Variants in FBXW7 observed in about 807,000 individuals in gnomAD.
FBXW7 encodes F-box and WD repeat domain containing 7, also known as F-box/WD repeat-containing protein 7.
A neutral mutation model predicts 86.3 loss-of-function variants in FBXW7; 11 were observed. The ratio of observed to expected loss-of-function variants is 0.13; its 90% CI spans 0.08 to 0.21. The LOEUF (loss-of-function observed/expected upper bound fraction) is 0.21. Ranked by LOEUF, FBXW7 falls within the 10% of genes least tolerant of loss-of-function variation. The probability of loss-of-function intolerance (pLI) is 1.00; values close to 1 mark genes in which losing one functional copy is unlikely to be tolerated. For missense variants in FBXW7, 488 were observed against 847.4 expected, an observed-to-expected ratio of 0.58 and a Z score of 5.27; for synonymous variants, 313 against 297.9, an observed-to-expected ratio of 1.05 and a Z score of -0.52.
chr4:152,414,416 T>G (rs1041139001), intron 2 of FBXW7, among the ~76,000 whole-genome samples: 4 of 152,052 alleles, frequency 2.6e-5, no homozygotes, highest in Non-Finnish European at 4.4e-5. Context: ...CCTGCAGATC[T>G]CAACTGGAAA....
chr4:152,500,969 TGGTACTCAAATTTAA>T (rs1560973461), intron 2 of FBXW7, among the ~76,000 whole-genome samples: 1 of 152,216 alleles, frequency 6.6e-6, no homozygotes, highest in African/African-American at 2.4e-5. Context: ...GGCAGCATTA[TGGTACTCAAATTTAA>T]GAGCAATTGA....
chr4:152,480,123 T>C (rs767649835), intron 2 of FBXW7, among the ~76,000 whole-genome samples: 34 of 152,108 alleles, frequency 2.2e-4, no homozygotes, highest in Non-Finnish European at 3.8e-4. Flanking sequence ...AAATAATGGT[T>C]TGTGCAACCC....
At chr4:152,401,152 A>G (rs1042753937) in intron 4 of FBXW7, among the ~76,000 whole-genome samples, 9 of 152,200 alleles carry the variant, frequency 5.9e-5, no homozygotes, top group Non-Finnish European at 1.0e-4. Flanking sequence ...AAAATTAATC[A>G]TACTGTTAAC....
chr4:152,526,606 G>C (rs1749535973), intron 2 of FBXW7, among the ~76,000 whole-genome samples: 1 of 152,126 alleles, frequency 6.6e-6, no homozygotes, highest in African/African-American at 2.4e-5. Flanking sequence ...AAATGACACA[G>C]ATAAAATTTC....
chr4:152,345,790 T>C (rs1052768522), intron 6 of FBXW7, among the ~76,000 whole-genome samples: 4 of 152,104 alleles, frequency 2.6e-5, no homozygotes, highest in African/African-American at 9.7e-5. Flanking sequence ...GACACATTTA[T>C]CTCATATTCA....
At chr4:152,410,888 T>C (rs1000736193) in intron 4 of FBXW7, among the ~76,000 whole-genome samples, 3 of 152,164 alleles carry the variant, frequency 2.0e-5, no homozygotes, top group African/African-American at 7.2e-5. Flanking sequence ...CTGAGTAATT[T>C]ATGCCTTAGA....
intron 4 of FBXW7, among the ~76,000 whole-genome samples, chr4:152,388,788 T>C (rs536133544): frequency 3.1e-4 from 47 of 152,276 alleles, no homozygotes; most frequent in East Asian, 1.9e-3. Flanking sequence ...CTTCAGATGA[T>C]TGAGATTAAG....
At chr4:152,487,844 T>G (rs907792581) in intron 2 of FBXW7, among the ~76,000 whole-genome samples, 1 of 152,086 alleles carries the variant, frequency 6.6e-6, no homozygotes, top group Non-Finnish European at 1.5e-5. Context: ...CAATACTTAG[T>G]TCTGTAATTC....
At chr4:152,453,545 A>G (rs1742107682) in intron 2 of FBXW7, among the ~76,000 whole-genome samples, 1 of 152,142 alleles carries the variant, frequency 6.6e-6, no homozygotes, top group South Asian at 2.1e-4. Flanking sequence ...CTGAACTTTT[A>G]TATTTCAAGG....
intron 2 of FBXW7, among the ~76,000 whole-genome samples, chr4:152,524,091 T>C (rs1453329708): frequency 6.6e-6 from 1 of 152,220 alleles, no homozygotes; most frequent in East Asian, 1.9e-4. Flanking sequence ...ATTTACTGGA[T>C]GCTAACTTAG....
intron 4 of FBXW7, among the ~76,000 whole-genome samples, chr4:152,400,899 C>T (rs943933916): frequency 6.6e-6 from 1 of 152,134 alleles, no homozygotes; most frequent in Non-Finnish European, 1.5e-5. Context: ...GGACAGACAC[C>T]TCACCAAAGG....
Position 152,330,127 on chromosome 4 carries a change from G to C in FBXW7, c.1123-342C>G, listed in dbSNP as rs553986277. On this transcript the variant is annotated intron_variant, in intron 9 of 13. Transcript: ENST00000281708. ...TAATTTTTACAACTTTGACACACAA[G>C]AACAAAATAAGCATCTATTAACCAC... Among the ~76,000 whole-genome samples, 108 of 151,522 alleles carry C rather than the reference G, an allele frequency of 7.1e-4. 1 individual carries two copies. Among genetic ancestry groups the C allele is most frequent in the African/African-American group, 2.6e-3 (107 of 41,386 alleles).
intron 7 of FBXW7, among the ~76,000 whole-genome samples, chr4:152,334,524 A>G (rs1316994263): frequency 6.6e-6 from 1 of 152,238 alleles, no homozygotes; most frequent in Non-Finnish European, 1.5e-5. Context: ...AAAAACAGAA[A>G]AAGTCTATTC....
intron 2 of FBXW7, among the ~76,000 whole-genome samples, chr4:152,477,148 C>A (rs748178159): frequency 1.3e-5 from 2 of 151,976 alleles, no homozygotes; most frequent in African/African-American, 2.4e-5. Flanking sequence ...AGTCTCATAT[C>A]TTTAACCACC....
At chr4:152,403,888 T>A (rs1737173651) in intron 4 of FBXW7, among the ~76,000 whole-genome samples, 1 of 152,172 alleles carries the variant, frequency 6.6e-6, no homozygotes, top group Admixed American at 6.5e-5. Flanking sequence ...GGTTTTTATA[T>A]GAAAAATATT....
chr4:152,463,045 T>C (rs1743094544), intron 2 of FBXW7, among the ~76,000 whole-genome samples: 1 of 151,998 alleles, frequency 6.6e-6, no homozygotes, highest in Non-Finnish European at 1.5e-5. Flanking sequence ...CCCAGCACTT[T>C]GGGAGGCTGA....
At chr4:152,335,623 C>T (rs534431120) in intron 7 of FBXW7, among the ~76,000 whole-genome samples, 7 of 152,148 alleles carry the variant, frequency 4.6e-5, no homozygotes, top group African/African-American at 9.7e-5. Context: ...TGAATTGAAA[C>T]GTATTTCAGA....
intron 2 of FBXW7, among the ~76,000 whole-genome samples, chr4:152,523,466 A>G (rs1749198634): frequency 6.6e-6 from 1 of 152,234 alleles, no homozygotes. Flanking sequence ...TCTTAAGAAA[A>G]TGGCATAGAA....
chr4:152,527,863 TATACACAC>T (rs1213362212), intron 2 of FBXW7, among the ~76,000 whole-genome samples: 6 of 103,970 alleles, frequency 5.8e-5, no homozygotes, highest in African/African-American at 2.0e-4. Context: ...TTAAAAATTA[TATACACAC>T]ACACACACAC....
Sources: gnomAD v4.1 joint callset for allele counts (sites outside exome capture counted in the v4.1 genomes callset) on GRCh38, gnomAD v4.1.1 for gene constraint, MANE v1.5 for transcripts, NCBI Gene and HGNC (gene_info 2026-07-23, HGNC 2026-07-21) for gene names.